Variants in GFRAL observed in about 807,000 individuals in gnomAD.
GFRAL encodes the protein GDNF family receptor alpha like.
In GFRAL, 36 loss-of-function variants were observed where a neutral mutation model predicts 45.4. The observed-to-expected ratio is 0.79, with a 90% CI of 0.61 to 1.05. GFRAL has a LOEUF of 1.05. GFRAL is among the 50% of genes least tolerant of loss of function. GFRAL has a pLI of 0.00. For missense variants in GFRAL, 507 were observed against 467.5 expected (o/e 1.08, Z -0.78); for synonymous variants, 166 against 154.1 (o/e 1.08, Z -0.57).
intron 3 of GFRAL, among the ~76,000 whole-genome samples, chr6:55,335,436 A>G (rs1198231258): frequency 6.6e-6 from 1 of 152,108 alleles, no homozygotes; most frequent in East Asian, 1.9e-4. Context: ...TAAAAAACAG[A>G]ATTTTAAAAA....
chr6:55,331,839 C>A lies in GFRAL; in HGVS notation c.147C>A (p.Cys49Ter). 6.2e-7 allele frequency: 1 copy of A among 1,608,544 alleles called. No homozygotes were observed. ...KHAWRVMEDA[C>*]NDSDPGDPCK... ...CTTGGAGAGTAATGGAAGATGCCTGCAATGATTCAGGTAAACAAGTTGCTA... is the reference window on the plus strand; with the variant it reads ...CTTGGAGAGTAATGGAAGATGCCTGAAATGATTCAGGTAAACAAGTTGCTA... The change falls in exon 2 of 9, where the codon TGC becomes TGA. Residue 49 changes from cysteine (C) to a stop codon, truncating the protein, a stop_gained. Coordinates refer to ENST00000340465, the MANE Select transcript of GFRAL (RefSeq NM_207410.2). LOFTEE classifies it high-confidence loss of function.
intron 3 of GFRAL, among the ~76,000 whole-genome samples, chr6:55,347,633 A>G (rs1768060280): frequency 6.6e-6 from 1 of 152,210 alleles, no homozygotes; most frequent in Non-Finnish European, 1.5e-5. Context: ...TTTGGAAGCT[A>G]CAAAGCTGGA....
intron 3 of GFRAL, among the ~76,000 whole-genome samples, chr6:55,341,857 C>T (rs1005197882): frequency 2.6e-5 from 4 of 151,960 alleles, no homozygotes; most frequent in Non-Finnish European, 4.4e-5. Flanking sequence ...AACCATGGCA[C>T]GAGAACTACA....
intron 3 of GFRAL, among the ~76,000 whole-genome samples, chr6:55,334,533 A>G (rs1048376439): frequency 1.3e-5 from 2 of 152,200 alleles, no homozygotes; most frequent in African/African-American, 4.8e-5. Flanking sequence ...TCTAAAGTCA[A>G]CAGTTTCCAG....
intron 6 of GFRAL, among the ~76,000 whole-genome samples, chr6:55,385,865 A>G (rs1768675947): frequency 6.6e-6 from 1 of 152,126 alleles, no homozygotes; most frequent in South Asian, 2.1e-4. Flanking sequence ...GGTTTCTCAC[A>G]TATTAAATTC....
chr6:55,396,002 C>T (rs1768820223), intron 6 of GFRAL, among the ~76,000 whole-genome samples: 1 of 152,066 alleles, frequency 6.6e-6, no homozygotes, highest in African/African-American at 2.4e-5. Context: ...ATAAATAGAG[C>T]AGATGGTCTG....
intron 6 of GFRAL, among the ~76,000 whole-genome samples, chr6:55,385,207 T>C (rs1433233212): frequency 2.6e-5 from 4 of 152,146 alleles, no homozygotes; most frequent in Non-Finnish European, 4.4e-5. Context: ...TTATCCCATT[T>C]GACCAGCTGT....
At position 55,339,614 on chromosome 6, in the gene GFRAL, G is replaced by A. The variant is rs571890544; in HGVS notation, c.316+5670G>A. Reference sequence around the variant, plus strand: ...AACTACAGAGAGTGGAATTTTTGAAGCCAATGAAAGAGAGGACATGAAGAA... The same window carrying A: ...AACTACAGAGAGTGGAATTTTTGAAACCAATGAAAGAGAGGACATGAAGAA... On this transcript the variant is annotated intron_variant, in intron 3 of 8. Transcript: ENST00000340465. 3.9e-5 allele frequency among the ~76,000 whole-genome samples: 6 copies of A among 152,198 alleles called. No individual in the cohort carries two copies. The South Asian group carries it at 1.0e-3, about 26-fold the overall frequency.
chr6:55,351,350 A>C lies in GFRAL; in HGVS notation c.468A>C (p.Ser156=). 1.2e-6 allele frequency: 2 copies of C among 1,613,708 alleles called. No individual in the cohort carries two copies. Among genetic ancestry groups the C allele is most frequent in the South Asian group, 2.2e-5 (2 of 91,076 alleles). The change falls in exon 5 of 9, where the codon TCA becomes TCC. Residue 156 remains serine (S), a synonymous_variant. Transcript: ENST00000340465. ...TGGCCTCTTACCTTAAAGCTTGCTCAGCAAATGGAAATCCGTGTGATCTGA... is the reference window on the plus strand; with the variant it reads ...TGGCCTCTTACCTTAAAGCTTGCTCCGCAAATGGAAATCCGTGTGATCTGA... The part of the protein sequence containing the change: ...AQLASYLKAC[S]ANGNPCDLKQ...
intron 6 of GFRAL, among the ~76,000 whole-genome samples, chr6:55,379,249 T>A (rs1219160594): frequency 6.6e-6 from 1 of 151,916 alleles, no homozygotes; most frequent in Non-Finnish European, 1.5e-5. Flanking sequence ...TTGTACATAT[T>A]ATTTCATCAC....
chr6:55,355,355 T>TA (rs537913230), intron 5 of GFRAL, among the ~76,000 whole-genome samples: 1,911 of 151,892 alleles, frequency 0.013, 56 homozygotes, highest in African/African-American at 0.044. Flanking sequence ...TAGAATAAAT[T>TA]AAAAAAAAGA....
Position 55,349,536 on chromosome 6 carries a change from C to G in GFRAL, c.317-556C>G, listed in dbSNP as rs57357185. Among the ~76,000 whole-genome samples the G allele has an allele frequency of 3.4e-3, 510 of 152,034 alleles. 1 individual carries two copies. The highest frequency in any genetic ancestry group is 0.012 in the African/African-American group (485 of 41,488). ...TTGTCACCTGGTACATAGTAGGGAA[C>G]CAACCAATGTTCCTTTAAAGATTTT... On this transcript the variant is annotated intron_variant, in intron 3 of 8. Transcript: ENST00000340465.
chr6:55,358,862 A>G (rs1003670786), intron 5 of GFRAL, 26 bp from the exon 6 acceptor site: 3 of 1,604,820 alleles, frequency 1.9e-6, no homozygotes, highest in Non-Finnish European at 1.7e-6. Flanking sequence ...TTCAAAACTA[A>G]TTATTTTTCT....
intron 1 of GFRAL, among the ~76,000 whole-genome samples, chr6:55,330,532 T>G (rs1236881524): frequency 6.6e-6 from 1 of 152,050 alleles, no homozygotes; most frequent in African/African-American, 2.4e-5. Flanking sequence ...TAGCTAATGA[T>G]TGTGTTCAGT....
chr6:55,343,316 T>C (rs991255164), intron 3 of GFRAL, among the ~76,000 whole-genome samples: 12 of 152,174 alleles, frequency 7.9e-5, no homozygotes, highest in African/African-American at 2.9e-4. Flanking sequence ...ACACAAATTA[T>C]AACAAACTGT....
At chr6:55,369,937 C>T (rs1344265246) in intron 6 of GFRAL, among the ~76,000 whole-genome samples, 1 of 152,036 alleles carries the variant, frequency 6.6e-6, no homozygotes, top group African/African-American at 2.4e-5. Context: ...ATCTGCATAC[C>T]TCCTTAATGA....
intron 6 of GFRAL, among the ~76,000 whole-genome samples, chr6:55,366,748 G>A (rs1191916802): frequency 2.7e-5 from 3 of 111,904 alleles, no homozygotes; most frequent in African/African-American, 8.6e-5. Context: ...TAGTTGAGTG[G>A]TTTTGAGTGA....
At chr6:55,342,288 C>T (rs953773909) in intron 3 of GFRAL, among the ~76,000 whole-genome samples, 9 of 152,164 alleles carry the variant, frequency 5.9e-5, no homozygotes, top group Non-Finnish European at 1.2e-4. Flanking sequence ...GGTTGGGTTA[C>T]CCACAAAGGG....
chr6:55,353,586 C>T (rs1433722922), intron 5 of GFRAL, among the ~76,000 whole-genome samples: 1 of 152,018 alleles, frequency 6.6e-6, no homozygotes, highest in African/African-American at 2.4e-5. Flanking sequence ...AAGGCATTGA[C>T]AAAATACTTT....
Sources: allele counts gnomAD v4.1 joint callset (sites outside exome capture counted in the v4.1 genomes callset), GRCh38; gene constraint gnomAD v4.1.1; transcripts MANE v1.5; gene names NCBI Gene and HGNC (gene_info 2026-07-23, HGNC 2026-07-21).